The following SHANK2 variants were observed in gnomAD, a reference collection of about 807,000 sequenced individuals.
SHANK2 encodes the protein SH3 and multiple ankyrin repeat domains protein 2.
A neutral mutation model predicts 133.7 loss-of-function variants in SHANK2; 43 were observed. That is an observed-to-expected ratio of 0.32 (90% CI 0.25 to 0.41). The LOEUF (loss-of-function observed/expected upper bound fraction) is 0.41, where lower values mean the gene tolerates loss of function less well. SHANK2 is among the 10% of genes least tolerant of loss of function. SHANK2 has a pLI of 1.00. For missense variants in SHANK2, 1,994 were observed against 2,235.8 expected (o/e 0.89, Z 2.18); for synonymous variants, 1,017 against 952.8 (o/e 1.07, Z -1.24).
chr11:71,123,106 C>T (rs1268782249), intron 3 of SHANK2, among the ~76,000 whole-genome samples: 7 of 152,188 alleles, frequency 4.6e-5, no homozygotes, highest in Non-Finnish European at 1.0e-4. Context: ...CACCAGCTCC[C>T]GGCAAGCCCA....
In SHANK2 at chr11:70,839,366, A is replaced by G. The variant is rs554062947; in HGVS notation, c.1175-18684T>C. On this transcript the variant is annotated intron_variant, in intron 11 of 25. Transcript: ENST00000601538. ...CTGGGCCAGTGGCCCTCCCCACCCCACTCCACAGCCCGTGGTATCCGGCAG... is the reference window on the plus strand; with the variant it reads ...CTGGGCCAGTGGCCCTCCCCACCCCGCTCCACAGCCCGTGGTATCCGGCAG... Among the ~76,000 whole-genome samples the G allele has an allele frequency of 2.6e-3, 388 of 152,102 alleles. 2 individuals are homozygous for G. Among genetic ancestry groups the G allele is most frequent in the African/African-American group, 9.2e-3 (381 of 41,484 alleles).
intron 2 of SHANK2, among the ~76,000 whole-genome samples, chr11:71,200,299 ATTCCTT>A (rs1290754980): frequency 2.0e-5 from 3 of 152,220 alleles, no homozygotes; most frequent in African/African-American, 7.2e-5. Context: ...TCCGTAATCC[ATTCCTT>A]TTCAGGCCAA....
intron 10 of SHANK2, among the ~76,000 whole-genome samples, chr11:70,924,746 C>A (rs1003876619): frequency 6.6e-6 from 1 of 152,114 alleles, no homozygotes; most frequent in Non-Finnish European, 1.5e-5. Context: ...CTTGAGCCAC[C>A]GTACCCAGCC....
intron 12 of SHANK2, among the ~76,000 whole-genome samples, chr11:70,813,239 C>G (rs909646305): frequency 5.3e-5 from 8 of 152,124 alleles, no homozygotes; most frequent in Non-Finnish European, 1.0e-4. Context: ...TTAGAGTCCA[C>G]AGGGCCTACC....
intron 17 of SHANK2, among the ~76,000 whole-genome samples, chr11:70,539,315 C>A (rs889940486): frequency 1.3e-4 from 20 of 152,206 alleles, no homozygotes; most frequent in Admixed American, 3.9e-4. Flanking sequence ...CTTGGATGGA[C>A]TGGAGACATT....
intron 14 of SHANK2, among the ~76,000 whole-genome samples, chr11:70,752,925 C>T (rs559514167): frequency 4.2e-4 from 64 of 152,016 alleles, no homozygotes; most frequent in Middle Eastern, 3.4e-3. Context: ...ACCAGCCTGG[C>T]TAATATGGTG....
chr11:70,607,566 C>T (rs114647557), intron 17 of SHANK2, among the ~76,000 whole-genome samples: 3,183 of 152,330 alleles, frequency 0.021, 119 homozygotes, highest in African/African-American at 0.073. Flanking sequence ...CCTGGGCCCA[C>T]GGGTCCAGGG....
intron 17 of SHANK2, among the ~76,000 whole-genome samples, chr11:70,613,786 A>C (rs535776950): frequency 1.5e-4 from 1 of 6,598 alleles, no homozygotes; most frequent in South Asian, 3.1e-3. Flanking sequence ...TTTCTTTGAG[A>C]TGGAGTCTCA....
At chr11:70,646,902 C>T (rs1247659403) in intron 17 of SHANK2, among the ~76,000 whole-genome samples, 1 of 150,124 alleles carries the variant, frequency 6.7e-6, no homozygotes, top group African/African-American at 2.5e-5. Context: ...GCTCTGTTGC[C>T]CAGGCTGGAG....
chr11:70,882,616 T>C lies in SHANK2; in HGVS notation c.1174+13885A>G, dbSNP rs142145397. Among the ~76,000 whole-genome samples, 1 of 152,054 alleles carries C rather than the reference T, an allele frequency of 6.6e-6. No individual in the cohort carries two copies. The highest frequency in any genetic ancestry group is 1.9e-4 in the East Asian group (1 of 5,164). Reference sequence around the variant, plus strand: ...TGCAGAAGCAGGCTTAGGTCAGAGGTAGGGCAGACCCCAAAACTTGCTTGC... The same window carrying C: ...TGCAGAAGCAGGCTTAGGTCAGAGGCAGGGCAGACCCCAAAACTTGCTTGC... On this transcript the variant is annotated intron_variant, in intron 11 of 25. Coordinates refer to ENST00000601538, the MANE Select transcript of SHANK2 (RefSeq NM_012309.5). This position sits in a 1 kb window ranked among gnomAD's most constrained non-coding sequence, Gnocchi z 4.2.
At chr11:71,089,659 G>C (rs1478656038) in intron 8 of SHANK2, among the ~76,000 whole-genome samples, 2 of 152,088 alleles carry the variant, frequency 1.3e-5, no homozygotes, top group African/African-American at 4.8e-5. Context: ...TGGTGCACCC[G>C]GAATGGCTGG....
At chr11:70,581,988 C>T (rs2060190928) in intron 17 of SHANK2, among the ~76,000 whole-genome samples, 1 of 152,212 alleles carries the variant, frequency 6.6e-6, no homozygotes, top group African/African-American at 2.4e-5. Context: ...AGCCTCATGC[C>T]CACAGAGGCC....
chr11:70,904,344 G>A (rs931768564), intron 10 of SHANK2, among the ~76,000 whole-genome samples: 1 of 152,088 alleles, frequency 6.6e-6, no homozygotes, highest in Non-Finnish European at 1.5e-5. Context: ...AGGTGGCGTG[G>A]ACTGCAATCC....
At chr11:70,632,971 A>T (rs1439100401) in intron 17 of SHANK2, among the ~76,000 whole-genome samples, 1 of 151,992 alleles carries the variant, frequency 6.6e-6, no homozygotes, top group African/African-American at 2.4e-5. Flanking sequence ...GATACGGGGC[A>T]GGGGGACAAG....
Position 71,094,654 on chromosome 11 carries a change from G to A in SHANK2, c.627C>T (p.Asp209=). The A allele has an allele frequency of 6.4e-7, 1 of 1,551,818 alleles. No homozygotes were observed. The highest frequency in any genetic ancestry group is 8.7e-7 in the Non-Finnish European group (1 of 1,146,990). ...TGAGAGCTTTGATGACCTCCACAGA[G>A]TCGTCCAGCTGAGCGGCTAAGGTCA... ...TPLTLAAQLD[D]SVEVIKALKN... The change falls in exon 7 of 26, where the codon GAC becomes GAT. Residue 209 remains aspartate (D), a synonymous_variant. Transcript: ENST00000601538.
chr11:70,546,099 T>TA (rs1360677529), intron 17 of SHANK2, among the ~76,000 whole-genome samples: 115 of 39,656 alleles, frequency 2.9e-3, no homozygotes, highest in African/African-American at 8.8e-3. Flanking sequence ...TTTATTTAAT[T>TA]TTTTTTTTTT....
intron 2 of SHANK2, among the ~76,000 whole-genome samples, chr11:71,161,441 C>G (rs36041458): frequency 6.6e-6 from 1 of 152,198 alleles, no homozygotes; most frequent in Admixed American, 6.5e-5. Flanking sequence ...TAACTAAGAG[C>G]CTGGCATCTT....
chr11:70,540,218 A>G (rs1206451441), intron 17 of SHANK2, among the ~76,000 whole-genome samples: 1 of 152,204 alleles, frequency 6.6e-6, no homozygotes, highest in Non-Finnish European at 1.5e-5. Context: ...AGTTATGGGC[A>G]TGCTTGTCTC....
chr11:70,895,365 T>C (rs1019100343), intron 11 of SHANK2: 1 of 152,594 alleles, frequency 6.6e-6, no homozygotes, highest in Non-Finnish European at 1.5e-5. Context: ...CCTGACCCCT[T>C]TGATGGGGTG....
Sources: allele counts gnomAD v4.1 joint callset (sites outside exome capture counted in the v4.1 genomes callset), GRCh38; gene constraint gnomAD v4.1.1; non-coding constraint Gnocchi (gnomAD v3.1); transcripts MANE v1.5; gene names NCBI Gene and HGNC (gene_info 2026-07-23, HGNC 2026-07-21).